TTC17: variants seen among roughly 807,000 people sequenced by gnomAD.
The protein encoded by TTC17 is tetratricopeptide repeat domain 17, also known as tetratricopeptide repeat protein 17.
TTC17 carries 58 observed loss-of-function variants against 143.8 expected under a neutral mutation model. The observed-to-expected ratio is 0.40, with a 90% CI of 0.33 to 0.50. TTC17 has a LOEUF of 0.50. Among genes scored for constraint, TTC17 ranks in the 20% least tolerant of loss-of-function variants. TTC17 has a pLI of 0.49. For synonymous variants in TTC17, 501 were observed against 497.8 expected (o/e 1.01, Z -0.09); for missense variants, 1,273 against 1,392.5 (o/e 0.91, Z 1.37).
At chr11:43,481,339 A>G (rs1190670368) in intron 21 of TTC17, among the ~76,000 whole-genome samples, 2 of 152,082 alleles carry the variant, frequency 1.3e-5, no homozygotes, top group Non-Finnish European at 2.9e-5. Context: ...TTCATGAGGG[A>G]TATTGGTCTG....
intron 20 of TTC17, among the ~76,000 whole-genome samples, chr11:43,450,481 G>T (rs1234374881): frequency 6.6e-6 from 1 of 152,152 alleles, no homozygotes; most frequent in African/African-American, 2.4e-5. Flanking sequence ...CTCAAGGGGG[G>T]TAGTTCTGCC....
chr11:43,457,194 A>G (rs953792234), intron 21 of TTC17, among the ~76,000 whole-genome samples: 3 of 152,090 alleles, frequency 2.0e-5, no homozygotes, highest in African/African-American at 7.2e-5. Context: ...GGTCTAGATT[A>G]GTTCCTAATC....
At chr11:43,419,964 G>A (rs1391591812) in intron 16 of TTC17, among the ~76,000 whole-genome samples, 1 of 152,156 alleles carries the variant, frequency 6.6e-6, no homozygotes, top group Admixed American at 6.6e-5. Flanking sequence ...TGAGATGCAG[G>A]TATATCCTGC....
chr11:43,480,293 C>T (rs921788842), intron 21 of TTC17, among the ~76,000 whole-genome samples: 1 of 152,046 alleles, frequency 6.6e-6, no homozygotes, highest in African/African-American at 2.4e-5. Context: ...AAGATCTCTG[C>T]CCTCATGGAG....
At chr11:43,409,058 A>G (rs547420023) in intron 15 of TTC17, among the ~76,000 whole-genome samples, 1 of 152,194 alleles carries the variant, frequency 6.6e-6, no homozygotes, top group East Asian at 1.9e-4. Context: ...AATGTTCCTT[A>G]ATCAGCACCC....
intron 21 of TTC17, among the ~76,000 whole-genome samples, chr11:43,461,530 C>G (rs1947868540): frequency 6.6e-6 from 1 of 151,316 alleles, no homozygotes; most frequent in Admixed American, 6.6e-5. Context: ...AATATGTGTT[C>G]AAACAAACAA....
At chr11:43,384,544 A>C (rs1235316375) in intron 2 of TTC17, among the ~76,000 whole-genome samples, 1 of 152,144 alleles carries the variant, frequency 6.6e-6, no homozygotes, top group African/African-American at 2.4e-5. Context: ...AGTCCCAGCT[A>C]CTTGGGAGGC....
chr11:43,447,232 A>G (rs1947563365), intron 18 of TTC17, among the ~76,000 whole-genome samples: 1 of 152,206 alleles, frequency 6.6e-6, no homozygotes, highest in East Asian at 1.9e-4. Flanking sequence ...ATGAGGTTAA[A>G]AAAAGAAAAA....
Position 43,455,015 on chromosome 11 carries a change from A to AT in TTC17, c.3030+3751dup, listed in dbSNP as rs768581871. Among the ~76,000 whole-genome samples, 4 of 149,730 alleles carry AT rather than the reference A, an allele frequency of 2.7e-5. No homozygotes were observed. In the East Asian group the frequency reaches 5.8e-4, roughly 22 times the overall value. ...CATAGAATATTCATTCATGAAAATT[A>AT]TATCAGAGCAGTGAACAAATTCCAA... is the stretch of plus-strand genomic sequence containing the variant. On this transcript the variant is annotated intron_variant, in intron 21 of 23. Coordinates refer to ENST00000039989, the MANE Select transcript of TTC17 (RefSeq NM_018259.6).
chr11:43,450,635 C>A (rs962494083), intron 20 of TTC17, among the ~76,000 whole-genome samples: 4 of 152,120 alleles, frequency 2.6e-5, no homozygotes, highest in Non-Finnish European at 4.4e-5. Flanking sequence ...AAACACATCA[C>A]AAGTATCCAA....
intron 3 of TTC17, among the ~76,000 whole-genome samples, chr11:43,390,736 C>T (rs1857353116): frequency 6.6e-6 from 1 of 150,698 alleles, no homozygotes; most frequent in South Asian, 2.1e-4. Flanking sequence ...TACCTATGGC[C>T]AATAAACATG....
At chr11:43,468,860 G>A (rs1195028108) in intron 21 of TTC17, among the ~76,000 whole-genome samples, 1 of 152,076 alleles carries the variant, frequency 6.6e-6, no homozygotes, top group East Asian at 1.9e-4. Flanking sequence ...AGGACTTTGA[G>A]GATGTAATGA....
At chr11:43,453,635 A>G (rs974878493) in intron 21 of TTC17, among the ~76,000 whole-genome samples, 9 of 152,180 alleles carry the variant, frequency 5.9e-5, no homozygotes, top group Non-Finnish European at 1.0e-4. Flanking sequence ...AAATGACCAG[A>G]GCAGCATTGG....
At chr11:43,403,300 C>G (rs1158530194) in intron 10 of TTC17, among the ~76,000 whole-genome samples, 1 of 152,154 alleles carries the variant, frequency 6.6e-6, no homozygotes, top group Non-Finnish European at 1.5e-5. Flanking sequence ...AGAATCCATT[C>G]CTGTTCACAA....
At chr11:43,491,985 A>AT in intron 22 of TTC17, 35 bp from the exon 23 acceptor site, 1 of 1,608,294 alleles carries the variant, frequency 6.2e-7, no homozygotes, top group Non-Finnish European at 8.5e-7. Context: ...TCAAAACCCA[A>AT]TTTTCCCTTC....
chr11:43,439,249 C>T (rs966208728), intron 16 of TTC17, among the ~76,000 whole-genome samples: 2 of 152,132 alleles, frequency 1.3e-5, no homozygotes, highest in African/African-American at 2.4e-5. Context: ...ACTCTTCCTG[C>T]CACTGGATCC....
intron 16 of TTC17, among the ~76,000 whole-genome samples, chr11:43,436,765 C>T (rs187597777): frequency 2.6e-4 from 40 of 152,302 alleles, no homozygotes; most frequent in African/African-American, 9.1e-4. Flanking sequence ...ATTGCCAAAA[C>T]GCATGACTTC....
At chr11:43,430,602 T>C (rs766969430) in intron 16 of TTC17, among the ~76,000 whole-genome samples, 3 of 151,984 alleles carry the variant, frequency 2.0e-5, no homozygotes, top group Admixed American at 6.6e-5. Context: ...ACTAAATATT[T>C]TGGGGCTTAG....
chr11:43,453,027 T>G (rs1297896827), intron 21 of TTC17, among the ~76,000 whole-genome samples: 1 of 151,970 alleles, frequency 6.6e-6, no homozygotes, highest in African/African-American at 2.4e-5. Flanking sequence ...GATAGAAAAC[T>G]GAAATATATT....
Sources: gnomAD v4.1 joint callset for allele counts (sites outside exome capture counted in the v4.1 genomes callset) on GRCh38, gnomAD v4.1.1 for gene constraint, MANE v1.5 for transcripts, NCBI Gene and HGNC (gene_info 2026-07-23, HGNC 2026-07-21) for gene names.